The following C1orf21 variants were observed in gnomAD, a reference collection of about 807,000 sequenced individuals.
C1orf21 encodes chromosome 1 open reading frame 21.
A neutral mutation model predicts 18.7 loss-of-function variants in C1orf21; 3 were observed. The ratio of observed to expected loss-of-function variants is 0.16; its 90% confidence interval spans 0.07 to 0.42. The LOEUF is 0.42. Among genes scored for constraint, C1orf21 ranks in the 10% least tolerant of loss-of-function variants. The pLI is 0.99. For missense variants in C1orf21, 104 were observed against 143.6 expected, an observed-to-expected ratio of 0.72 and a Z score of 1.41; for synonymous variants, 41 against 46.4, an observed-to-expected ratio of 0.88 and a Z score of 0.47.
intron 5 of C1orf21, among the ~76,000 whole-genome samples, chr1:184,607,657 A>G (rs1405049536): frequency 6.6e-6 from 1 of 151,450 alleles, no homozygotes; most frequent in African/African-American, 2.4e-5. Context: ...GTGTATATAT[A>G]CATATATATG....
At chr1:184,512,954 T>G (rs1451978926) in intron 3 of C1orf21, among the ~76,000 whole-genome samples, 2 of 152,218 alleles carry the variant, frequency 1.3e-5, no homozygotes, top group Non-Finnish European at 2.9e-5. Flanking sequence ...AGATCAGCAG[T>G]GGCATGAGAT....
chr1:184,410,640 T>TATATA (rs1656326357), intron 1 of C1orf21, among the ~76,000 whole-genome samples: 1 of 4,904 alleles, frequency 2.0e-4, no homozygotes, highest in African/African-American at 3.1e-3. Flanking sequence ...TATATATATA[T>TATATA]ATATATATAT....
intron 3 of C1orf21, among the ~76,000 whole-genome samples, chr1:184,514,629 C>T (rs551112588): frequency 9.2e-5 from 14 of 152,354 alleles, no homozygotes; most frequent in Non-Finnish European, 1.8e-4. Context: ...AGCACTTCCA[C>T]ATCTTGCTGT....
At chr1:184,564,786 C>G (rs1450977835) in intron 3 of C1orf21, among the ~76,000 whole-genome samples, 1 of 152,128 alleles carries the variant, frequency 6.6e-6, no homozygotes, top group Non-Finnish European at 1.5e-5. Context: ...GAAACCTTAG[C>G]TGGGGTCTTT....
chr1:184,463,434 T>G (rs1323183916), intron 1 of C1orf21, among the ~76,000 whole-genome samples: 1 of 152,234 alleles, frequency 6.6e-6, no homozygotes, highest in African/African-American at 2.4e-5. Flanking sequence ...ACATTTGACC[T>G]TTTTATATAG....
At chr1:184,559,048 G>T (rs963550272) in intron 3 of C1orf21, among the ~76,000 whole-genome samples, 3 of 152,188 alleles carry the variant, frequency 2.0e-5, no homozygotes, top group African/African-American at 7.2e-5. Context: ...ACTGTAAAAT[G>T]TGGATAGGGA....
chr1:184,578,225 G>A (rs1006622101), intron 3 of C1orf21, among the ~76,000 whole-genome samples: 2 of 151,994 alleles, frequency 1.3e-5, no homozygotes, highest in Admixed American at 6.6e-5. Flanking sequence ...CAAAGTGTTA[G>A]GATTACAGGT....
Position 184,445,974 on chromosome 1 carries a change from C to T in C1orf21, c.-124-31412C>T, listed in dbSNP as rs116646701. ...CTGTGTTTAGAGGACAAAATAGTTA[C>T]CCATATGGGTGATATGGTAGAGACT... On this transcript the variant is annotated intron_variant, in intron 1 of 5. Transcript: ENST00000235307. Among the ~76,000 whole-genome samples the T allele has an allele frequency of 3.8e-3, 584 of 152,130 alleles. 5 individuals carry two copies. Among genetic ancestry groups the T allele is most frequent in the African/African-American group, 0.013 (551 of 41,516 alleles).
intron 2 of C1orf21, among the ~76,000 whole-genome samples, chr1:184,482,048 C>G (rs1444902583): frequency 6.6e-6 from 1 of 152,158 alleles, no homozygotes; most frequent in African/African-American, 2.4e-5. Context: ...CATTTGTAAC[C>G]CATTATTTCT....
chr1:184,571,007 G>C (rs1017627916), intron 3 of C1orf21, among the ~76,000 whole-genome samples: 4 of 152,086 alleles, frequency 2.6e-5, no homozygotes, highest in African/African-American at 9.7e-5. Flanking sequence ...GAAAAGGTAC[G>C]GTAAGGCCGG....
intron 1 of C1orf21, among the ~76,000 whole-genome samples, chr1:184,430,993 G>T (rs1216654824): frequency 6.6e-6 from 1 of 152,088 alleles, no homozygotes; most frequent in African/African-American, 2.4e-5. Flanking sequence ...CCTTGAAGAG[G>T]TGCTTCACAT....
intron 2 of C1orf21, among the ~76,000 whole-genome samples, chr1:184,493,705 A>T (rs1230532115): frequency 6.6e-6 from 1 of 152,232 alleles, no homozygotes; most frequent in East Asian, 1.9e-4. Flanking sequence ...GCTGTTTAAC[A>T]CAATATTTTT....
intron 4 of C1orf21, among the ~76,000 whole-genome samples, chr1:184,597,826 T>C (rs2102002214): frequency 6.6e-6 from 1 of 152,266 alleles, no homozygotes; most frequent in South Asian, 2.1e-4. Flanking sequence ...CAGACATGCG[T>C]CCTCCCACGT....
chr1:184,566,797 A>G, intron 3 of C1orf21: 1 of 457,750 alleles, frequency 2.2e-6, no homozygotes, highest in South Asian at 1.8e-5. Context: ...AGGCTGAGCT[A>G]TGAACAGCTC....
At chr1:184,566,570 G>A in intron 3 of C1orf21, 1 of 381,620 alleles carries the variant, frequency 2.6e-6, no homozygotes, top group Non-Finnish European at 5.1e-6. Context: ...TCTCTATGGT[G>A]GGTTTCTTCT....
At chr1:184,438,524 G>T (rs1046357890) in intron 1 of C1orf21, among the ~76,000 whole-genome samples, 2 of 152,170 alleles carry the variant, frequency 1.3e-5, no homozygotes, top group African/African-American at 2.4e-5. Flanking sequence ...TGTAGAAAAT[G>T]ATCATCTTGG....
intron 3 of C1orf21, chr1:184,567,009 A>G (rs1406345322): frequency 9.6e-6 from 5 of 522,816 alleles, no homozygotes; most frequent in Non-Finnish European, 1.9e-5. Flanking sequence ...GTGGAATATA[A>G]CCTGGGAACT....
intron 3 of C1orf21, among the ~76,000 whole-genome samples, chr1:184,581,736 ACT>A (rs1467874860): frequency 6.6e-6 from 1 of 152,118 alleles, no homozygotes; most frequent in African/African-American, 2.4e-5. Flanking sequence ...ATTTTTTACA[ACT>A]CTGTTTACTT....
chr1:184,392,196 C>A lies in C1orf21; in HGVS notation c.-125+4828C>A, dbSNP rs192164380. On this transcript the variant is annotated intron_variant, in intron 1 of 5. Coordinates refer to ENST00000235307, the MANE Select transcript of C1orf21 (RefSeq NM_030806.4). The stretch of plus-strand genomic sequence containing the variant: ...TGGTTTTCAAAGTCCTTTCATGTAA[C>A]CTGTCTCATTTGACGTTTGGCTGCA... 5.9e-5 allele frequency among the ~76,000 whole-genome samples: 9 copies of A among 152,290 alleles called. No individual in the cohort carries two copies. The East Asian group carries it at 1.7e-3, about 29-fold the overall frequency.
Sources: allele counts gnomAD v4.1 joint callset (sites outside exome capture counted in the v4.1 genomes callset), GRCh38; gene constraint gnomAD v4.1.1; transcripts MANE v1.5; gene names NCBI Gene and HGNC (gene_info 2026-07-23, HGNC 2026-07-21).